ALG9: variants seen among roughly 807,000 people sequenced by gnomAD.
ALG9 encodes alpha-1,2-mannosyltransferase ALG9.
In ALG9, 55 loss-of-function variants were observed where a neutral mutation model predicts 81.8. The observed-to-expected ratio is 0.67, with a 90% CI of 0.54 to 0.84. The LOEUF (loss-of-function observed/expected upper bound fraction) is 0.84. Ranked by LOEUF, ALG9 falls within the 40% of genes least tolerant of loss-of-function variation. ALG9 has a pLI of 0.00. For synonymous variants in ALG9, 278 were observed against 274.3 expected (o/e 1.01, Z -0.13); for missense variants, 629 against 745.0 (o/e 0.84, Z 1.81).
At chr11:111,850,889 C>A in intron 8 of ALG9, among the ~76,000 whole-genome samples, 1 of 151,942 alleles carries the variant, frequency 6.6e-6, no homozygotes, top group East Asian at 1.9e-4. Context: ...GTTTTTGCTA[C>A]CCCCAGGAAA....
At chr11:111,779,889 C>T (rs1327867846), downstream of ALG9, among the ~76,000 whole-genome samples, 1 of 152,228 alleles carries the variant, frequency 6.6e-6, no homozygotes, top group Non-Finnish European at 1.5e-5. Flanking sequence ...CTTGTCACTA[C>T]AATTCCATAA....
intron 4 of ALG9, 69 bp downstream of exon 4, chr11:111,865,112 C>T (rs1285354966): frequency 1.8e-5 from 23 of 1,276,920 alleles, no homozygotes; most frequent in Admixed American, 5.0e-5. Flanking sequence ...CCTAGACTAT[C>T]ACAACAGATA....
chr11:111,810,459 T>C (rs782571043), intron 13 of ALG9, among the ~76,000 whole-genome samples: 1 of 152,180 alleles, frequency 6.6e-6, no homozygotes, highest in Non-Finnish European at 1.5e-5. Flanking sequence ...AAATATTTCA[T>C]TTAAAACTAT....
At chr11:111,835,881 G>T (rs1955162432) in intron 13 of ALG9, among the ~76,000 whole-genome samples, 1 of 152,018 alleles carries the variant, frequency 6.6e-6, no homozygotes, top group Admixed American at 6.6e-5. Context: ...CTTCTGAAAG[G>T]CTGGGATTAC....
At chr11:111,837,416 C>A in intron 12 of ALG9, 52 bp downstream of exon 12, 1 of 1,602,986 alleles carries the variant, frequency 6.2e-7, no homozygotes, top group Non-Finnish European at 8.5e-7. Flanking sequence ...TGATATAGAA[C>A]TGCTCTATTT....
chr11:111,786,184 A>G lies in ALG9; in HGVS notation c.*213T>C. On this transcript the variant is annotated 3_prime_UTR_variant, in exon 15 of 15. Coordinates refer to ENST00000616540, the MANE Select transcript of ALG9 (RefSeq NM_024740.2). ...GGGCCTTTCTCTGCCTAGCTGCAAA[A>G]AGTTTACATGCAGAACAGAGACACA... is the stretch of plus-strand genomic sequence containing the variant. 1.4e-6 allele frequency: 1 copy of G among 703,664 alleles called. No individual in the cohort carries two copies. The allele number at this position is 703,664 out of a possible 1,614,324, so 43.6% of individuals were successfully genotyped here.
chr11:111,793,959 G>C (rs1242157939), intron 14 of ALG9, among the ~76,000 whole-genome samples: 1 of 152,200 alleles, frequency 6.6e-6, no homozygotes, highest in Non-Finnish European at 1.5e-5. Context: ...GATTCAGGGA[G>C]ACATAAATAT....
At chr11:111,805,549 T>C (rs1326792921) in intron 14 of ALG9, among the ~76,000 whole-genome samples, 3 of 152,188 alleles carry the variant, frequency 2.0e-5, no homozygotes, top group Non-Finnish European at 4.4e-5. Flanking sequence ...AGTGAAGAAC[T>C]CAATATGAAA....
At chr11:111,844,274 G>C (rs1956642721) in intron 9 of ALG9, among the ~76,000 whole-genome samples, 1 of 152,152 alleles carries the variant, frequency 6.6e-6, no homozygotes, top group African/African-American at 2.4e-5. Context: ...AAAGTGCTGG[G>C]ATTACAGATG....
At chr11:111,837,989 A>T (rs1955599896) in intron 11 of ALG9, among the ~76,000 whole-genome samples, 1 of 152,214 alleles carries the variant, frequency 6.6e-6, no homozygotes, top group Non-Finnish European at 1.5e-5. Context: ...TCCTTAATTT[A>T]TCAGCATCCA....
chr11:111,848,448 G>C (rs1447737519), intron 8 of ALG9, among the ~76,000 whole-genome samples: 3 of 151,868 alleles, frequency 2.0e-5, no homozygotes, highest in Non-Finnish European at 4.4e-5. Flanking sequence ...AAATTAGCTG[G>C]GTGTGGTGGT....
intron 14 of ALG9, among the ~76,000 whole-genome samples, chr11:111,797,591 G>T (rs1948491888): frequency 6.6e-6 from 1 of 152,226 alleles, no homozygotes; most frequent in Admixed American, 6.5e-5. Flanking sequence ...GCAATAGCTG[G>T]AACAAATGCT....
intron 13 of ALG9, among the ~76,000 whole-genome samples, chr11:111,834,085 G>A (rs1954826126): frequency 6.6e-6 from 1 of 152,196 alleles, no homozygotes. Flanking sequence ...TCTCTTCATG[G>A]CATTCACATA....
chr11:111,794,163 C>T (rs1947893421), intron 14 of ALG9, among the ~76,000 whole-genome samples: 1 of 152,236 alleles, frequency 6.6e-6, no homozygotes, highest in African/African-American at 2.4e-5. Flanking sequence ...AGATTTAAAT[C>T]TGCTCTTGCT....
At chr11:111,845,194 C>T (rs1229403414) in intron 8 of ALG9, 5 of 177,038 alleles carry the variant, frequency 2.8e-5, no homozygotes, top group African/African-American at 1.2e-4. Context: ...ATCCCAGCTA[C>T]TAGGAAGGCT....
At chr11:111,787,000 G>T (rs1369484155) in intron 14 of ALG9, among the ~76,000 whole-genome samples, 3 of 152,032 alleles carry the variant, frequency 2.0e-5, no homozygotes, top group Non-Finnish European at 2.9e-5. Context: ...GTCAAGGAAA[G>T]AGTCTACACA....
intron 13 of ALG9, among the ~76,000 whole-genome samples, chr11:111,812,550 C>T (rs1277021510): frequency 1.3e-5 from 2 of 151,694 alleles, no homozygotes; most frequent in African/African-American, 4.8e-5. Context: ...CTGGGTGACA[C>T]AGCAAGACCT....
intron 6 of ALG9, among the ~76,000 whole-genome samples, chr11:111,855,940 A>G (rs538873510): frequency 1.2e-4 from 18 of 152,176 alleles, no homozygotes; most frequent in Non-Finnish European, 2.4e-4. Flanking sequence ...ATAAAAATTT[A>G]CCCCATAGGT....
intron 14 of ALG9, among the ~76,000 whole-genome samples, chr11:111,797,498 C>T (rs114182247): frequency 0.012 from 1,807 of 152,332 alleles, 34 homozygotes; most frequent in African/African-American, 0.041. Flanking sequence ...GCCAGTTGAG[C>T]CCATCAACTC....
Sources: allele counts gnomAD v4.1 joint callset (sites outside exome capture counted in the v4.1 genomes callset), GRCh38; gene constraint gnomAD v4.1.1; transcripts MANE v1.5; gene names NCBI Gene and HGNC (gene_info 2026-07-23, HGNC 2026-07-21).